Variants in USP43 observed in about 807,000 individuals in gnomAD.
USP43 encodes the protein ubiquitin specific peptidase 43, also known as ubiquitin carboxyl-terminal hydrolase 43.
Under a neutral mutation model 90.7 loss-of-function variants are expected in USP43, and 33 were observed. The ratio of observed to expected loss-of-function variants is 0.36; its 90% CI spans 0.28 to 0.49. USP43 has a LOEUF of 0.49. Among genes scored for constraint, USP43 ranks in the 20% least tolerant of loss-of-function variants. USP43 has a pLI of 0.98. For synonymous variants in USP43, 598 were observed against 615.8 expected (o/e 0.97, Z 0.43); for missense variants, 1,274 against 1,476.4 (o/e 0.86, Z 2.25).
chr17:9,711,416 T>C (rs1440507989), intron 13 of USP43, among the ~76,000 whole-genome samples: 1 of 152,102 alleles, frequency 6.6e-6, no homozygotes, highest in Non-Finnish European at 1.5e-5. Context: ...CTTTCCTTTG[T>C]TGTTGTTGTT....
rs778216022 is a variant in USP43, at chr17:9,728,681, C to T, written c.3063C>T (p.Pro1021=). 15 of 1,612,476 alleles carry T rather than the reference C, an allele frequency of 9.3e-6. No homozygotes were observed. Among genetic ancestry groups the T allele is most frequent in the Non-Finnish European group, 1.1e-5 (13 of 1,179,388 alleles). ...NERAEVSPQV[P]PVSLVSGGLS... is the part of the protein sequence containing the mutation. ...GGGCAGAGGTCTCTCCACAGGTGCCCCCCGTCTCCCTGGTGAGTGGCGGGC... is the reference window on the plus strand; with the variant it reads ...GGGCAGAGGTCTCTCCACAGGTGCCTCCCGTCTCCCTGGTGAGTGGCGGGC... Residue 1021 remains proline, a synonymous_variant, in exon 15 of 15, where the codon CCC becomes CCT. Transcript: ENST00000285199. The surrounding 1 kb of genome is among the most constrained non-coding windows in gnomAD (Gnocchi z 6.2).
chr17:9,692,847 C>T (rs1915037354), intron 8 of USP43, among the ~76,000 whole-genome samples: 1 of 152,102 alleles, frequency 6.6e-6, no homozygotes, highest in Non-Finnish European at 1.5e-5. Context: ...AGTATCTGCT[C>T]CAGTTAAGCA....
chr17:9,651,179 T>TTG (rs1911835656), intron 1 of USP43, among the ~76,000 whole-genome samples: 1 of 151,802 alleles, frequency 6.6e-6, no homozygotes, highest in African/African-American at 2.4e-5. Flanking sequence ...TTGATGTTTT[T>TTG]TTTGTTTGTT....
intron 14 of USP43, among the ~76,000 whole-genome samples, chr17:9,720,336 AAAAAG>A (rs1251882448): frequency 2.0e-5 from 3 of 148,374 alleles, no homozygotes; most frequent in African/African-American, 7.4e-5. Context: ...AAAAAAAAAA[AAAAAG>A]AAAGAAAGAA....
intron 14 of USP43, among the ~76,000 whole-genome samples, chr17:9,715,066 G>A (rs7223248): frequency 0.03 from 4,603 of 152,262 alleles, 241 homozygotes; most frequent in African/African-American, 0.1. Flanking sequence ...AGGAAGGCGG[G>A]TTGACAGCTA....
chr17:9,703,176 G>A (rs1369039119), intron 12 of USP43, among the ~76,000 whole-genome samples: 1 of 151,198 alleles, frequency 6.6e-6, no homozygotes, highest in African/African-American at 2.5e-5. Flanking sequence ...TTGTTACTCA[G>A]ATTTTTTTTT....
intron 2 of USP43, among the ~76,000 whole-genome samples, chr17:9,660,411 A>G (rs1050792116): frequency 6.6e-6 from 1 of 152,178 alleles, no homozygotes; most frequent in Non-Finnish European, 1.5e-5. Context: ...GGCCTCCCAA[A>G]GTGCTGAGAT....
chr17:9,691,948 C>A (rs1914980129), intron 8 of USP43, among the ~76,000 whole-genome samples: 1 of 151,262 alleles, frequency 6.6e-6, no homozygotes, highest in South Asian at 2.1e-4. Flanking sequence ...GAGGCCGAGG[C>A]AGAGAATGGC....
At chr17:9,647,211 G>A (rs571086762) in intron 1 of USP43, among the ~76,000 whole-genome samples, 2 of 152,084 alleles carry the variant, frequency 1.3e-5, no homozygotes, top group East Asian at 1.9e-4. Flanking sequence ...AAGCATCACC[G>A]CTCTTGAGTT....
At chr17:9,685,803 T>C (rs1227496274) in intron 7 of USP43, among the ~76,000 whole-genome samples, 1 of 152,218 alleles carries the variant, frequency 6.6e-6, no homozygotes, top group African/African-American at 2.4e-5. Context: ...ATTTATCATT[T>C]CTTTGTGTTG....
chr17:9,701,730 C>A lies in USP43; in HGVS notation c.2011+30C>A. 2.7e-6 allele frequency: 4 copies of A among 1,486,324 alleles called. No homozygotes were observed. Among genetic ancestry groups the A allele is most frequent in the Non-Finnish European group, 3.6e-6 (4 of 1,109,256 alleles). The allele number at this position is 1,486,324 out of a possible 1,614,324, so 92.1% of individuals were successfully genotyped here. On this transcript the variant is annotated intron_variant, in intron 12 of 14. Coordinates refer to ENST00000285199, the MANE Select transcript of USP43 (RefSeq NM_153210.5). The surrounding 1 kb of genome is among the most constrained non-coding windows in gnomAD (Gnocchi z 7.2). ...GCCTTGCCTTGCCTTTCTGCAAATG[C>A]AGCTGTGGCCACAGCCTCGAGATGT...
chr17:9,728,857 CG>C lies in USP43; in HGVS notation c.3240del (p.Arg1081GlufsTer32), dbSNP rs1917427566. On this transcript the variant is annotated frameshift_variant, in exon 15 of 15. Coordinates refer to ENST00000285199, the MANE Select transcript of USP43 (RefSeq NM_153210.5). LOFTEE classifies it low-confidence loss of function (END_TRUNC). This position sits in a 1 kb window ranked among gnomAD's most constrained non-coding sequence, Gnocchi z 6.2. ...LRLPRKASRA[P>X]RGSALGMSQR... ...CTCCCTCGTAAAGCCAGCAGGGCCC[CG>C]AGAGGCAGTGCACTGGGCATGTCAC... 1 of 1,613,754 alleles carries C rather than the reference CG, an allele frequency of 6.2e-7. No homozygotes were observed. The highest frequency in any genetic ancestry group is 8.5e-7 in the Non-Finnish European group (1 of 1,179,852).
intron 2 of USP43, among the ~76,000 whole-genome samples, chr17:9,659,638 T>C (rs534416608): frequency 2.6e-5 from 4 of 152,222 alleles, no homozygotes; most frequent in African/African-American, 9.6e-5. Context: ...TTCCTACTTG[T>C]AAGGTAGGTG....
rs139253822 is a variant in USP43, at chr17:9,656,429, G to A, written c.531G>A (p.Gln177=). The A allele has an allele frequency of 2.5e-6, 4 of 1,611,200 alleles. No homozygotes were observed. In the East Asian group the frequency reaches 8.9e-5, roughly 36 times the overall value. ...ATGCAGTTTCCAAGTACGGCTCTCA[G>A]TTCCAAGGCAATTCCCAGCACGACG... is the stretch of plus-strand genomic sequence containing the variant. ...FKNAVSKYGS[Q]FQGNSQHDAL... The change falls in exon 2 of 15, where the codon CAG becomes CAA. Residue 177 remains glutamine (Q), a synonymous_variant. Coordinates refer to ENST00000285199, the MANE Select transcript of USP43 (RefSeq NM_153210.5).
At chr17:9,683,709 A>G (rs1914434837) in intron 7 of USP43, among the ~76,000 whole-genome samples, 1 of 152,136 alleles carries the variant, frequency 6.6e-6, no homozygotes, top group Non-Finnish European at 1.5e-5. Flanking sequence ...ATAATTTCAG[A>G]ATTATGGTAT....
chr17:9,680,003 T>A lies in USP43; in HGVS notation c.970-228T>A, dbSNP rs115106379. ...TTTTCTATGCTTGTTTAGCTGGGTA[T>A]AAAACTTAGATTTTTTTTTTTTTTT... On this transcript the variant is annotated intron_variant, in intron 5 of 14. Coordinates refer to ENST00000285199, the MANE Select transcript of USP43 (RefSeq NM_153210.5). 6.0e-3 allele frequency among the ~76,000 whole-genome samples: 894 copies of A among 149,974 alleles called. 10 individuals are homozygous for A. The highest frequency in any genetic ancestry group is 0.021 in the African/African-American group (846 of 40,488).
intron 14 of USP43, among the ~76,000 whole-genome samples, chr17:9,719,136 A>T (rs1053330119): frequency 6.6e-6 from 1 of 152,160 alleles, no homozygotes; most frequent in East Asian, 1.9e-4. Context: ...GTCCAAAAAA[A>T]AGTCTCTACA....
rs557003230 is a variant in USP43 at position 9,709,349 on chromosome 17, G to A, written c.2012-607G>A. Among the ~76,000 whole-genome samples the A allele has an allele frequency of 9.9e-5, 15 of 152,212 alleles. No homozygotes were observed. In the South Asian group the frequency reaches 1.2e-3, roughly 13 times the overall value. ...GGGGTGAACGCTGACATTATTGTTT[G>A]GCTACCTAACTTGGGAGCTCCCTTT... On this transcript the variant is annotated intron_variant, in intron 12 of 14. Coordinates refer to ENST00000285199, the MANE Select transcript of USP43 (RefSeq NM_153210.5). The surrounding 1 kb of genome is among the most constrained non-coding windows in gnomAD (Gnocchi z 5.0).
At chr17:9,648,925 TTC>T (rs778305701) in intron 1 of USP43, among the ~76,000 whole-genome samples, 64 of 142,576 alleles carry the variant, frequency 4.5e-4, no homozygotes, top group Non-Finnish European at 8.7e-4. Flanking sequence ...CTCCCACTCT[TTC>T]TGTCTCTCTC....
Sources: allele counts gnomAD v4.1 joint callset (sites outside exome capture counted in the v4.1 genomes callset), GRCh38; gene constraint gnomAD v4.1.1; non-coding constraint Gnocchi (gnomAD v3.1); transcripts MANE v1.5; gene names NCBI Gene and HGNC (gene_info 2026-07-23, HGNC 2026-07-21).